HSD17B3: variants seen among roughly 807,000 people sequenced by gnomAD.
The protein encoded by HSD17B3 is 17-beta-hydroxysteroid dehydrogenase type 3.
In HSD17B3, 29 loss-of-function variants were observed where a neutral mutation model predicts 41.1. That is an observed-to-expected ratio of 0.71 (90% CI 0.53 to 0.96). The LOEUF (loss-of-function observed/expected upper bound fraction) is 0.96. HSD17B3 is among the 40% of genes least tolerant of loss of function. The pLI, the probability that HSD17B3 is intolerant of heterozygous loss-of-function variation, is 0.00. For missense variants in HSD17B3, 323 were observed against 374.6 expected, an observed-to-expected ratio of 0.86 and a Z score of 1.14; for synonymous variants, 126 against 145.6, an observed-to-expected ratio of 0.87 and a Z score of 0.97.
At chr9:96,268,066 A>G (rs1301102078) in intron 2 of HSD17B3, among the ~76,000 whole-genome samples, 1 of 152,182 alleles carries the variant, frequency 6.6e-6, no homozygotes, top group Non-Finnish European at 1.5e-5. Flanking sequence ...CTGGGACAAC[A>G]GGTGCACGCC....
chr9:96,290,072 C>T (rs1184768853), intron 2 of HSD17B3, among the ~76,000 whole-genome samples: 1 of 152,062 alleles, frequency 6.6e-6, no homozygotes, highest in Admixed American at 6.6e-5. Flanking sequence ...TCAGGTGCTA[C>T]AGGAGTGGAA....
chr9:96,299,802 G>T (rs1204518562), intron 1 of HSD17B3, among the ~76,000 whole-genome samples: 1 of 152,044 alleles, frequency 6.6e-6, no homozygotes. Context: ...AGAGCTCAGG[G>T]TACTCTATCT....
At chr9:96,288,059 A>G (rs1255339492) in intron 2 of HSD17B3, among the ~76,000 whole-genome samples, 1 of 152,238 alleles carries the variant, frequency 6.6e-6, no homozygotes, top group Admixed American at 6.5e-5. Context: ...GGAGAACGGC[A>G]TGTTGTATGG....
At chr9:96,293,610 C>T (rs1223348593) in intron 2 of HSD17B3, among the ~76,000 whole-genome samples, 1 of 151,990 alleles carries the variant, frequency 6.6e-6, no homozygotes, top group African/African-American at 2.4e-5. Flanking sequence ...CTCCCTTCCT[C>T]CCCTGCCCCC....
intron 2 of HSD17B3, among the ~76,000 whole-genome samples, chr9:96,256,717 A>G (rs949144122): frequency 4.6e-5 from 7 of 151,868 alleles, no homozygotes; most frequent in Non-Finnish European, 2.9e-5. Flanking sequence ...AAGCTGAATT[A>G]TGAATTGTGG....
chr9:96,272,403 CTCTATATATA>C (rs1408374811), intron 2 of HSD17B3, among the ~76,000 whole-genome samples: 3 of 28,146 alleles, frequency 1.1e-4, no homozygotes, highest in African/African-American at 2.6e-4. Context: ...CTCTCTCTCT[CTCTATATATA>C]TATATATATA....
Position 96,235,410 on chromosome 9 carries a change from C to T in HSD17B3, c.*50G>A, listed in dbSNP as rs776096665. ...GTCTGCTCCTCTGGTCCTCTTCAGC[C>T]AGCATGGGACTGGTGAGGAAAAGGT... On this transcript the variant is annotated 3_prime_UTR_variant, in exon 11 of 11. Coordinates refer to ENST00000375263, the MANE Select transcript of HSD17B3 (RefSeq NM_000197.2). 1.5e-6 allele frequency: 2 copies of T among 1,292,732 alleles called. No homozygotes were observed. Among genetic ancestry groups the T allele is most frequent in the African/African-American group, 1.5e-5 (1 of 68,954 alleles). 80.1% of individuals were successfully genotyped at this position (1,292,732 alleles called of 1,614,324 possible).
chr9:96,272,584 T>G lies in HSD17B3; in HGVS notation c.202-17641A>C, dbSNP rs1378144910. 2.7e-5 allele frequency among the ~76,000 whole-genome samples: 4 copies of G among 149,978 alleles called. No individual in the cohort carries two copies. In the East Asian group the frequency reaches 5.9e-4, roughly 22 times the overall value. On this transcript the variant is annotated intron_variant, in intron 2 of 10. Transcript: ENST00000375263. ...AACTAATGACAACACCAGATTCTGA[T>G]GAGGATGTGGGGAAAATGGATCATT...
intron 5 of HSD17B3, 177 bp downstream of exon 5, chr9:96,251,241 C>T (rs930489645): frequency 3.2e-6 from 2 of 617,328 alleles, no homozygotes; most frequent in South Asian, 3.9e-5. Context: ...AAAAGTGGTA[C>T]TCTTGACTGT....
intron 2 of HSD17B3, among the ~76,000 whole-genome samples, chr9:96,289,192 G>GGTGTGTGTGT (rs67271328): frequency 2.0e-3 from 295 of 148,218 alleles, no homozygotes; most frequent in African/African-American, 6.1e-3. Context: ...TTGATTTCCT[G>GGTGTGTGTGT]GTGTGTGTGT....
intron 2 of HSD17B3, among the ~76,000 whole-genome samples, chr9:96,256,896 G>A (rs961481059): frequency 3.3e-5 from 5 of 152,080 alleles, no homozygotes; most frequent in African/African-American, 1.2e-4. Flanking sequence ...GGCCTGATGG[G>A]AGGTGATTGG....
chr9:96,297,409 C>A (rs1276160576), intron 2 of HSD17B3, among the ~76,000 whole-genome samples: 1 of 136,540 alleles, frequency 7.3e-6, no homozygotes, highest in African/African-American at 2.8e-5. Flanking sequence ...TGCAATGGTG[C>A]GATCTCAGCT....
intron 2 of HSD17B3, among the ~76,000 whole-genome samples, chr9:96,266,284 T>G (rs969241761): frequency 6.6e-6 from 1 of 152,124 alleles, no homozygotes; most frequent in Non-Finnish European, 1.5e-5. Flanking sequence ...GAATCCCAAA[T>G]TGTTTTTGGA....
At chr9:96,268,069 T>A (rs1438814140) in intron 2 of HSD17B3, among the ~76,000 whole-genome samples, 1 of 152,082 alleles carries the variant, frequency 6.6e-6, no homozygotes, top group Admixed American at 6.5e-5. Context: ...GGACAACAGG[T>A]GCACGCCACC....
At position 96,245,967 on chromosome 9, in the gene HSD17B3, C is replaced by T. The variant is rs77725270; in HGVS notation, c.525-541G>A. On this transcript the variant is annotated intron_variant, in intron 7 of 10. Transcript: ENST00000375263. ...GAAATTTAATATTCTTAATCCTTCC[C>T]AATTAGACGGATACAATGGAGGGGC... Among the ~76,000 whole-genome samples, 41 of 152,286 alleles carry T rather than the reference C, an allele frequency of 2.7e-4. No individual in the cohort carries two copies. In the East Asian group the frequency reaches 7.1e-3, roughly 27 times the overall value.
chr9:96,279,885 T>TCAGCCTCCCAAGTAGCTGGGACTATA, intron 2 of HSD17B3, among the ~76,000 whole-genome samples: 1 of 152,042 alleles, frequency 6.6e-6, no homozygotes, highest in Non-Finnish European at 1.5e-5. Flanking sequence ...TTCTCCTGCC[T>TCAGCCTCCCAAGTAGCTGGGACTATA]CAGCCTCCCA....
rs1353496108 is a variant in HSD17B3, at chr9:96,251,446, T to C, written c.425A>G (p.His142Arg). 2 of 1,614,130 alleles carry C rather than the reference T, an allele frequency of 1.2e-6. No homozygotes were observed. Among genetic ancestry groups the C allele is most frequent in the Non-Finnish European group, 8.5e-7 (1 of 1,180,010 alleles). Residue 142 changes from histidine to arginine, a missense_variant, in exon 5 of 11, where the codon CAT becomes CGT. Coordinates refer to ENST00000375263, the MANE Select transcript of HSD17B3 (RefSeq NM_000197.2). ...VGMLPNLLPS[H>R]FLNAPDEIQS... ...GATTTCATCCGGTGCGTTCAGGAAA[T>C]GGCTTGGGAGAAGGTTTGGAAGCAT...
intron 8 of HSD17B3, among the ~76,000 whole-genome samples, chr9:96,244,900 A>G (rs1836599893): frequency 6.6e-6 from 1 of 151,936 alleles, no homozygotes; most frequent in African/African-American, 2.4e-5. Context: ...TGGGAAGAGG[A>G]CCTCCCACTC....
intron 8 of HSD17B3, 48 bp downstream of exon 8, chr9:96,245,297 G>C (rs1836616220): frequency 1.4e-6 from 2 of 1,437,266 alleles, no homozygotes; most frequent in Admixed American, 3.3e-5. Context: ...CCAACTGGGA[G>C]AAATAAGAGG....
Sources: gnomAD v4.1 joint callset for allele counts (sites outside exome capture counted in the v4.1 genomes callset) on GRCh38, gnomAD v4.1.1 for gene constraint, MANE v1.5 for transcripts, NCBI Gene and HGNC (gene_info 2026-07-23, HGNC 2026-07-21) for gene names.